SOX5: variants seen among roughly 807,000 people sequenced by gnomAD.
SOX5 encodes SRY-box transcription factor 5.
SOX5 carries 9 observed loss-of-function variants against 92.0 expected under a neutral mutation model. The ratio of observed to expected loss-of-function variants is 0.10; its 90% CI spans 0.06 to 0.17. The LOEUF is 0.17. Among genes scored for constraint, SOX5 ranks in the 10% least tolerant of loss-of-function variants. The pLI, the probability that SOX5 is intolerant of heterozygous loss-of-function variation, is 1.00. For synonymous variants in SOX5, 344 were observed against 336.3 expected (o/e 1.02, Z -0.25); for missense variants, 642 against 944.5 (o/e 0.68, Z 4.20).
intron 6 of SOX5, among the ~76,000 whole-genome samples, chr12:23,718,607 C>T (rs1379681774): frequency 1.3e-5 from 2 of 152,056 alleles, no homozygotes; most frequent in Non-Finnish European, 2.9e-5. Flanking sequence ...TTCTAAAGCC[C>T]CTTTGTGTCT....
chr12:24,445,983 G>A (rs1046457102), intron 1 of SOX5, among the ~76,000 whole-genome samples: 2 of 152,092 alleles, frequency 1.3e-5, no homozygotes, highest in Non-Finnish European at 2.9e-5. Flanking sequence ...AAGGTATAAC[G>A]ACACAAGGGC....
chr12:24,511,649 G>A (rs1298062145), intron 1 of SOX5, among the ~76,000 whole-genome samples: 1 of 152,026 alleles, frequency 6.6e-6, no homozygotes, highest in Non-Finnish European at 1.5e-5. Flanking sequence ...AATCAATAAC[G>A]ACATTTTATT....
chr12:23,875,996 T>C (rs181909551), intron 2 of SOX5, among the ~76,000 whole-genome samples: 1 of 152,178 alleles, frequency 6.6e-6, no homozygotes, highest in Non-Finnish European at 1.5e-5. Flanking sequence ...AATAGAACTG[T>C]ATTCACAAAT....
At chr12:23,865,679 A>T (rs891968354) in intron 2 of SOX5, among the ~76,000 whole-genome samples, 3 of 152,238 alleles carry the variant, frequency 2.0e-5, no homozygotes, top group African/African-American at 4.8e-5. Context: ...CGTCTCAAAA[A>T]AAACGAAAAA....
At chr12:24,134,282 C>T (rs938262866) in intron 4 of SOX5, among the ~76,000 whole-genome samples, 3 of 152,034 alleles carry the variant, frequency 2.0e-5, no homozygotes, top group African/African-American at 7.2e-5. Context: ...ATGGAATCTG[C>T]CACCTTTTAA....
intron 4 of SOX5, among the ~76,000 whole-genome samples, chr12:23,956,884 G>A (rs1228785399): frequency 3.3e-5 from 5 of 152,034 alleles, no homozygotes; most frequent in African/African-American, 4.8e-5. Context: ...GGCTGATCTC[G>A]AACTCCTGAC....
chr12:23,826,667 G>A (rs191526341), intron 3 of SOX5, among the ~76,000 whole-genome samples: 36 of 150,552 alleles, frequency 2.4e-4, no homozygotes, highest in Admixed American at 1.7e-3. Flanking sequence ...CTAAAGTACT[G>A]GAGCAAGGAC....
At chr12:24,483,880 T>C (rs1486490576) in intron 1 of SOX5, among the ~76,000 whole-genome samples, 1 of 152,244 alleles carries the variant, frequency 6.6e-6, no homozygotes, top group African/African-American at 2.4e-5. Context: ...GTCTTCAAAG[T>C]GCTTTTTCTA....
chr12:23,896,001 G>A lies in SOX5; in HGVS notation c.62C>T (p.Ser21Phe). The A allele has an allele frequency of 1.2e-6, 2 of 1,613,914 alleles. No homozygotes were observed. The highest frequency in any genetic ancestry group is 1.1e-5 in the South Asian group (1 of 91,080). ...FERMSSKRPA[S>F]PYGEADGEVA... Reference sequence around the variant, plus strand: ...CTCTCCATCTGCTTCCCCATACGGAGAGGCTGGTCGCTTGGAAGACATCCT... The same window carrying A: ...CTCTCCATCTGCTTCCCCATACGGAAAGGCTGGTCGCTTGGAAGACATCCT... Residue 21 changes from serine (S) to phenylalanine (F), a missense_variant, in exon 2 of 15, where the codon TCT becomes TTT. Coordinates refer to ENST00000451604, the MANE Select transcript of SOX5 (RefSeq NM_006940.6).
chr12:24,556,523 C>T (rs545194357), intron 1 of SOX5, among the ~76,000 whole-genome samples: 207 of 152,274 alleles, frequency 1.4e-3, no homozygotes, highest in African/African-American at 4.4e-3. Context: ...TTTTTCCACA[C>T]GGACTTTCTG....
intron 3 of SOX5, among the ~76,000 whole-genome samples, chr12:24,245,667 C>G (rs1938549530): frequency 6.6e-6 from 1 of 151,946 alleles, no homozygotes; most frequent in African/African-American, 2.4e-5. Flanking sequence ...TTATTATGGC[C>G]CATGTCTAGA....
intron 6 of SOX5, among the ~76,000 whole-genome samples, chr12:23,684,190 T>A (rs1359523026): frequency 6.6e-6 from 1 of 152,076 alleles, no homozygotes; most frequent in African/African-American, 2.4e-5. Context: ...TACATGTGAT[T>A]TGCATATTTT....
At chr12:24,208,922 G>A (rs530515088) in intron 4 of SOX5, among the ~76,000 whole-genome samples, 60 of 152,242 alleles carry the variant, frequency 3.9e-4, no homozygotes, top group Middle Eastern at 3.4e-3. Context: ...GCATGATAAC[G>A]GTTATTGATG....
rs559134863 is a variant in SOX5 at position 23,843,882 on chromosome 12, C to T, written c.481+2101G>A. On this transcript the variant is annotated intron_variant, in intron 3 of 14. Transcript: ENST00000451604. ...CCCAGCCTTGGCAGTTATTTCTTTT[C>T]AAAGTATATTACTTGGCAGAAGACA... is the stretch of plus-strand genomic sequence containing the variant. Among the ~76,000 whole-genome samples, 4 of 152,194 alleles carry T rather than the reference C, an allele frequency of 2.6e-5. No individual in the cohort carries two copies. The South Asian group carries it at 8.3e-4, about 31-fold the overall frequency.
At chr12:24,444,192 GTAGT>G in intron 1 of SOX5, among the ~76,000 whole-genome samples, 1 of 152,084 alleles carries the variant, frequency 6.6e-6, no homozygotes, top group Non-Finnish European at 1.5e-5. Context: ...CTTAGCTAGG[GTAGT>G]TAAAGGTGCA....
At chr12:23,650,400 T>C (rs1268898820) in intron 7 of SOX5, among the ~76,000 whole-genome samples, 3 of 152,136 alleles carry the variant, frequency 2.0e-5, no homozygotes, top group African/African-American at 4.8e-5. Flanking sequence ...GCAACGAGCA[T>C]TGCTCCTATT....
intron 3 of SOX5, among the ~76,000 whole-genome samples, chr12:23,812,383 T>G (rs1002728901): frequency 6.6e-6 from 1 of 152,172 alleles, no homozygotes; most frequent in Admixed American, 6.5e-5. Flanking sequence ...ACATTTTACA[T>G]ACTTTGGGTC....
At chr12:24,137,435 A>G (rs1242855819) in intron 4 of SOX5, among the ~76,000 whole-genome samples, 1 of 152,154 alleles carries the variant, frequency 6.6e-6, no homozygotes, top group African/African-American at 2.4e-5. Flanking sequence ...GTTCAAGACC[A>G]GCCTGACCAA....
intron 3 of SOX5, among the ~76,000 whole-genome samples, chr12:23,770,053 T>TTTG (rs570135892): frequency 0.036 from 5,338 of 150,244 alleles, 154 homozygotes; most frequent in South Asian, 0.085. Flanking sequence ...CCTCTGTTTT[T>TTTG]TTTTTTTTTT....
Sources: gnomAD v4.1 joint callset for allele counts (sites outside exome capture counted in the v4.1 genomes callset) on GRCh38, gnomAD v4.1.1 for gene constraint, MANE v1.5 for transcripts, NCBI Gene and HGNC (gene_info 2026-07-23, HGNC 2026-07-21) for gene names.